FYB1: variants seen among roughly 807,000 people sequenced by gnomAD.
FYB1 encodes the protein FYN-binding protein 1.
FYB1 carries 41 observed loss-of-function variants against 94.1 expected under a neutral mutation model. That is an observed-to-expected ratio of 0.44 (90% CI 0.34 to 0.57). FYB1 has a LOEUF of 0.57. Among genes scored for constraint, FYB1 ranks in the 20% least tolerant of loss-of-function variants. The pLI, the probability that FYB1 is intolerant of heterozygous loss-of-function variation, is 0.02. For missense variants in FYB1, 1,050 were observed against 976.8 expected (o/e 1.07, Z -1.00); for synonymous variants, 367 against 353.2 (o/e 1.04, Z -0.44).
At chr5:39,131,947 G>A (rs1216661163) in intron 9 of FYB1, among the ~76,000 whole-genome samples, 1 of 152,208 alleles carries the variant, frequency 6.6e-6, no homozygotes, top group East Asian at 1.9e-4. Flanking sequence ...AGAAGAGGTA[G>A]AGAGAGCAGG....
intron 1 of FYB1, among the ~76,000 whole-genome samples, chr5:39,259,519 C>A (rs1752127449): frequency 6.6e-6 from 1 of 152,144 alleles, no homozygotes; most frequent in Admixed American, 6.5e-5. Context: ...GAAAACTAAC[C>A]AACCGATCAA....
At chr5:39,216,997 T>G (rs981352961) in intron 1 of FYB1, among the ~76,000 whole-genome samples, 2 of 152,194 alleles carry the variant, frequency 1.3e-5, no homozygotes, top group African/African-American at 4.8e-5. Flanking sequence ...CTTTCCAAAT[T>G]TATCAGAGAA....
chr5:39,202,194 C>T lies in FYB1; in HGVS notation c.767G>A (p.Ser256Asn), dbSNP rs530866552. Reference protein sequence around the residue: ...ENKDHAGEISSLPFPGVVLKP... With the variant: ...ENKDHAGEISNLPFPGVVLKP... ...CAAAACCACTCCAGGAAAGGGCAAA[C>T]TTGAAATCTCCCCTGCATGGTCTTT... The change falls in exon 2 of 19, where the codon AGT (serine) becomes AAT (asparagine). Residue 256 changes from serine to asparagine, a missense_variant. Transcript: ENST00000512982. 3 of 1,614,038 alleles carry T rather than the reference C, an allele frequency of 1.9e-6. No individual in the cohort carries two copies. The African/African-American group carries it at 4.0e-5, about 22-fold the overall frequency.
intron 1 of FYB1, among the ~76,000 whole-genome samples, chr5:39,263,443 G>A (rs1211037576): frequency 1.3e-5 from 2 of 152,018 alleles, no homozygotes; most frequent in African/African-American, 2.4e-5. Context: ...TGCAGAAGGA[G>A]AGGATATGAA....
At chr5:39,217,218 C>T (rs929289404) in intron 1 of FYB1, among the ~76,000 whole-genome samples, 2 of 152,128 alleles carry the variant, frequency 1.3e-5, no homozygotes, top group Non-Finnish European at 2.9e-5. Flanking sequence ...GACAAATGGG[C>T]CTTAAAGGTA....
chr5:39,222,883 C>T (rs960287974), upstream of FYB1, among the ~76,000 whole-genome samples: 1 of 151,892 alleles, frequency 6.6e-6, no homozygotes, highest in Non-Finnish European at 1.5e-5. Flanking sequence ...TTTGATTCTC[C>T]CCTTGTCACT....
intron 11 of FYB1, among the ~76,000 whole-genome samples, 174 bp downstream of exon 11, chr5:39,127,567 G>T (rs1740809967): frequency 6.6e-6 from 1 of 151,804 alleles, no homozygotes; most frequent in Non-Finnish European, 1.5e-5. Flanking sequence ...TTCGTTTGAA[G>T]TGTGGTGAAA....
rs1185806565 is a variant in FYB1 at position 39,126,046 on chromosome 5, A to T, written c.1997T>A (p.Ile666Lys). The T allele has an allele frequency of 6.2e-7, 1 of 1,613,366 alleles. No individual in the cohort carries two copies. The highest frequency in any genetic ancestry group is 1.3e-5 in the African/African-American group (1 of 74,884). The change falls in exon 12 of 19, where the codon ATA (isoleucine) becomes AAA (lysine). Residue 666 changes from isoleucine (I) to lysine (K), a missense_variant. Transcript: ENST00000512982. ...GTCAGAGACTTTAGGTTTCTCTCGT[A>T]TACTTTTCTTTCTGTCATCTTTTCC... is the stretch of plus-strand genomic sequence containing the variant. ...LKGKDDRKKS[I>K]REKPKVSDSD... is the part of the protein sequence containing the mutation.
In FYB1 at chr5:39,153,437, CT is replaced by C. The variant is rs1475333378; in HGVS notation, c.1292+10del. 1.2e-6 allele frequency: 2 copies of C among 1,612,936 alleles called. No homozygotes were observed. The highest frequency in any genetic ancestry group is 2.2e-5 in the South Asian group (2 of 90,998). ...ACTAGGAAAGAAATCGCAAGATAAT[CT>C]TTTGCTTACTTTAGGTCAAACGGAG... On this transcript the variant is annotated intron_variant, in intron 3 of 18. Coordinates refer to ENST00000512982, the MANE Select transcript of FYB1 (RefSeq NM_001465.6).
chr5:39,134,609 A>G (rs1741496672), intron 8 of FYB1, among the ~76,000 whole-genome samples: 1 of 152,174 alleles, frequency 6.6e-6, no homozygotes, highest in Non-Finnish European at 1.5e-5. Flanking sequence ...TCTTTTTAAC[A>G]TCAATGAAAA....
intron 1 of FYB1, among the ~76,000 whole-genome samples, chr5:39,213,798 G>GAC (rs1217692710): frequency 2.0e-5 from 3 of 152,228 alleles, no homozygotes; most frequent in Middle Eastern, 3.4e-3. Flanking sequence ...AGGGGCCCAG[G>GAC]ACACCATTCT....
intron 2 of FYB1, among the ~76,000 whole-genome samples, chr5:39,171,929 C>T (rs12657366): frequency 0.59 from 88,935 of 151,816 alleles, 29,869 homozygotes; most frequent in Non-Finnish European, 0.75. Context: ...ATTGGACAAA[C>T]GAGGAAGTGA....
chr5:39,247,083 T>C, intron 1 of FYB1, among the ~76,000 whole-genome samples: 1 of 130,528 alleles, frequency 7.7e-6, no homozygotes, highest in Non-Finnish European at 1.6e-5. Context: ...TATATATATA[T>C]ATATATATAT....
At chr5:39,256,238 C>G (rs1289012589) in intron 1 of FYB1, among the ~76,000 whole-genome samples, 1 of 152,176 alleles carries the variant, frequency 6.6e-6, no homozygotes, top group Admixed American at 6.5e-5. Context: ...CTGCAATGAA[C>G]CCAAAGGAGA....
At chr5:39,205,355 A>G (rs1748749163) in intron 1 of FYB1, among the ~76,000 whole-genome samples, 1 of 152,214 alleles carries the variant, frequency 6.6e-6, no homozygotes, top group Admixed American at 6.5e-5. Context: ...CACCTCCCTA[A>G]TGGGAATAAT....
intron 3 of FYB1, among the ~76,000 whole-genome samples, chr5:39,142,205 T>A (rs1006746964): frequency 1.3e-5 from 2 of 152,186 alleles, no homozygotes; most frequent in Admixed American, 6.5e-5. Context: ...ATCACTCTTT[T>A]TTGTGTAGTC....
At chr5:39,136,593 T>C (rs1444496431) in intron 7 of FYB1, among the ~76,000 whole-genome samples, 5 of 152,294 alleles carry the variant, frequency 3.3e-5, no homozygotes, top group Admixed American at 2.0e-4. Context: ...AGTAGTATCA[T>C]TTATCCTTAC....
intron 1 of FYB1, among the ~76,000 whole-genome samples, chr5:39,217,729 C>T (rs1749978995): frequency 6.6e-6 from 1 of 152,206 alleles, no homozygotes; most frequent in Non-Finnish European, 1.5e-5. Context: ...CCTGGAACCA[C>T]AGCCCAAACC....
At chr5:39,121,061 A>G (rs1740046808) in intron 14 of FYB1, among the ~76,000 whole-genome samples, 1 of 152,034 alleles carries the variant, frequency 6.6e-6, no homozygotes. Context: ...TGGGGAAGAA[A>G]ATTGTCCATA....
Sources: allele counts gnomAD v4.1 joint callset (sites outside exome capture counted in the v4.1 genomes callset), GRCh38; gene constraint gnomAD v4.1.1; transcripts MANE v1.5; gene names NCBI Gene and HGNC (gene_info 2026-07-23, HGNC 2026-07-21).